RSPO3: variants seen among roughly 807,000 people sequenced by gnomAD.
RSPO3 encodes the protein R-spondin 3, also known as R-spondin-3.
RSPO3 carries 17 observed loss-of-function variants against 36.5 expected under a neutral mutation model. The ratio of observed to expected loss-of-function variants is 0.47; its 90% CI spans 0.32 to 0.70. RSPO3 has a LOEUF of 0.70. RSPO3 is among the 30% of genes least tolerant of loss of function. The pLI is 0.04. For missense variants in RSPO3, 294 were observed against 322.5 expected, an observed-to-expected ratio of 0.91 and a Z score of 0.68; for synonymous variants, 108 against 107.0, an observed-to-expected ratio of 1.01 and a Z score of -0.06.
Position 127,198,445 on chromosome 6 carries a change from A to T in RSPO3, c.*2438A>T, listed in dbSNP as rs1207371886. On this transcript the variant is annotated 3_prime_UTR_variant, in exon 5 of 5. Transcript: ENST00000356698. ...TCAAATTTGAGCAAAAACTCTATCA[A>T]CCTCTGGTAAAGTTCCTACACTAGT... Among the ~76,000 whole-genome samples, 2 of 151,958 alleles carry T rather than the reference A, an allele frequency of 1.3e-5. No individual in the cohort carries two copies. The highest frequency in any genetic ancestry group is 3.9e-4 in the East Asian group (2 of 5,170).
intron 4 of RSPO3, among the ~76,000 whole-genome samples, chr6:127,181,233 A>C (rs1328052748): frequency 1.3e-5 from 2 of 152,060 alleles, no homozygotes; most frequent in East Asian, 3.9e-4. Context: ...TTAATAGAGA[A>C]GTAGCCTTTA....
chr6:127,164,167 T>C (rs1774768047), intron 4 of RSPO3, among the ~76,000 whole-genome samples: 1 of 152,052 alleles, frequency 6.6e-6, no homozygotes, highest in Non-Finnish European at 1.5e-5. Flanking sequence ...GACCCTACTT[T>C]GAATCACTGT....
At chr6:127,195,775 T>C (rs911667340) in intron 4 of RSPO3, 48 bp from the exon 5 acceptor site, 6 of 1,275,238 alleles carry the variant, frequency 4.7e-6, no homozygotes, top group Non-Finnish European at 5.3e-6. Context: ...AATTAAAAAA[T>C]AGAACATAAT....
intron 4 of RSPO3, among the ~76,000 whole-genome samples, chr6:127,168,352 A>T (rs1473161528): frequency 6.7e-6 from 1 of 149,746 alleles, no homozygotes; most frequent in Non-Finnish European, 1.5e-5. Flanking sequence ...TCTGATGGCC[A>T]GTGATGATGA....
chr6:127,135,416 T>TAAAA (rs35739572), intron 1 of RSPO3, among the ~76,000 whole-genome samples: 2 of 95,238 alleles, frequency 2.1e-5, no homozygotes, highest in Non-Finnish European at 4.2e-5. Flanking sequence ...TGAGAATCCA[T>TAAAA]AAAAAAAAAA....
At chr6:127,163,248 T>A (rs1301233243) in intron 4 of RSPO3, among the ~76,000 whole-genome samples, 2 of 152,152 alleles carry the variant, frequency 1.3e-5, no homozygotes, top group East Asian at 3.9e-4. Context: ...CTGTTCTCCT[T>A]CCCATCTCCC....
intron 1 of RSPO3, among the ~76,000 whole-genome samples, chr6:127,131,584 C>G (rs964464436): frequency 6.6e-6 from 1 of 152,094 alleles, no homozygotes; most frequent in Non-Finnish European, 1.5e-5. Context: ...ACTTCCTCAT[C>G]CACTCCACAA....
At chr6:127,128,157 C>T (rs1007034835) in intron 1 of RSPO3, among the ~76,000 whole-genome samples, 7 of 151,960 alleles carry the variant, frequency 4.6e-5, no homozygotes, top group Admixed American at 4.6e-4. Context: ...AATTTACAAC[C>T]ACAATAGATA....
chr6:127,146,487 C>T (rs145085293), intron 1 of RSPO3, among the ~76,000 whole-genome samples: 1 of 152,074 alleles, frequency 6.6e-6, no homozygotes, highest in Admixed American at 6.6e-5. Flanking sequence ...ACATTCAAAA[C>T]CTAGTTTTTA....
chr6:127,128,042 G>C (rs772212333), intron 1 of RSPO3, among the ~76,000 whole-genome samples: 1 of 151,948 alleles, frequency 6.6e-6, no homozygotes, highest in Non-Finnish European at 1.5e-5. Flanking sequence ...CTCTGTGATT[G>C]TTATTTCCAT....
At chr6:127,131,783 T>C (rs751710221) in intron 1 of RSPO3, among the ~76,000 whole-genome samples, 2 of 152,144 alleles carry the variant, frequency 1.3e-5, no homozygotes, top group Non-Finnish European at 1.5e-5. Context: ...AAGTCATTCC[T>C]ATGTATCAAG....
chr6:127,133,719 A>C (rs1422388773), intron 1 of RSPO3, among the ~76,000 whole-genome samples: 1 of 152,154 alleles, frequency 6.6e-6, no homozygotes, highest in Non-Finnish European at 1.5e-5. Flanking sequence ...TTAAAAAGCT[A>C]ACAAGGCAAA....
intron 4 of RSPO3, among the ~76,000 whole-genome samples, chr6:127,168,866 C>A (rs2114613567): frequency 6.6e-6 from 1 of 152,104 alleles, no homozygotes; most frequent in Admixed American, 6.6e-5. Context: ...ATCCTTTCCC[C>A]ATTTCTTGTT....
At chr6:127,148,516 A>C in intron 1 of RSPO3, 132 bp from the exon 2 acceptor site, 1 of 589,196 alleles carries the variant, frequency 1.7e-6, no homozygotes. Flanking sequence ...ATAGGAAAAA[A>C]AATCCCACCT....
At chr6:127,185,304 C>A (rs1236324493) in intron 4 of RSPO3, among the ~76,000 whole-genome samples, 1 of 152,046 alleles carries the variant, frequency 6.6e-6, no homozygotes, top group Non-Finnish European at 1.5e-5. Flanking sequence ...GAACAATCTG[C>A]ATTACCTGCT....
chr6:127,127,923 A>G (rs1773970416), intron 1 of RSPO3, among the ~76,000 whole-genome samples: 1 of 151,700 alleles, frequency 6.6e-6, no homozygotes, highest in Admixed American at 6.6e-5. Flanking sequence ...TCTTTTCCTT[A>G]CCCTTTGTCC....
At chr6:127,140,383 G>T (rs1774245788) in intron 1 of RSPO3, among the ~76,000 whole-genome samples, 1 of 151,986 alleles carries the variant, frequency 6.6e-6, no homozygotes, top group Admixed American at 6.6e-5. Context: ...AAATCCCAAA[G>T]CAAACTAAAA....
chr6:127,194,651 T>C (rs1222108318), intron 4 of RSPO3, among the ~76,000 whole-genome samples: 2 of 152,238 alleles, frequency 1.3e-5, no homozygotes, highest in African/African-American at 4.8e-5. Flanking sequence ...TCCCAGCATT[T>C]CTCCAATGCC....
At chr6:127,159,356 T>C (rs1457839585) in intron 4 of RSPO3, among the ~76,000 whole-genome samples, 4 of 152,080 alleles carry the variant, frequency 2.6e-5, no homozygotes, top group Non-Finnish European at 5.9e-5. Context: ...GATCTTGGGA[T>C]AGAAAGGAGA....
Sources: gnomAD v4.1 joint callset for allele counts (sites outside exome capture counted in the v4.1 genomes callset) on GRCh38, gnomAD v4.1.1 for gene constraint, MANE v1.5 for transcripts, NCBI Gene and HGNC (gene_info 2026-07-23, HGNC 2026-07-21) for gene names.